Variants in PHEX observed in about 807,000 individuals in gnomAD.
PHEX encodes phosphate-regulating neutral endopeptidase PHEX.
In PHEX, 16 loss-of-function variants were observed where a neutral mutation model predicts 68.0. That is an observed-to-expected ratio of 0.24 (90% CI 0.16 to 0.36). The LOEUF is 0.36. Among genes scored for constraint, PHEX ranks in the 10% least tolerant of loss-of-function variants. PHEX has a pLI of 1.00. For missense variants in PHEX, 480 were observed against 575.5 expected (o/e 0.83, Z 1.70); for synonymous variants, 208 against 205.1 (o/e 1.01, Z -0.12).
intron 15 of PHEX, among the ~76,000 whole-genome samples, chrX:22,191,307 C>A (rs937322469): frequency 8.9e-6 from 1 of 112,303 alleles, no homozygotes; most frequent in Non-Finnish European, 1.9e-5. Flanking sequence ...GGATTACAGG[C>A]GTGAGCCACT....
At chrX:22,147,199 A>G (rs966200199) in intron 12 of PHEX, among the ~76,000 whole-genome samples, 39 of 112,118 alleles carry the variant, frequency 3.5e-4, no homozygotes, top group Admixed American at 2.2e-3. Context: ...TGAGGAATTC[A>G]CTTAAAAATA....
At position 22,066,139 on chromosome X, in the gene PHEX, T is replaced by C. The variant is rs775261722; in HGVS notation, c.350-10249T>C. On this transcript the variant is annotated intron_variant, in intron 3 of 21. Transcript: ENST00000379374. ...TAGGCCGTGTAAAGATTTTAGACTC[T>C]ATCCTAGGGCAATGGGAAGGCGTTT... is the stretch of plus-strand genomic sequence containing the variant. Among the ~76,000 whole-genome samples, 6 of 111,804 alleles carry C rather than the reference T, an allele frequency of 5.4e-5. No homozygotes were observed. In the South Asian group the frequency reaches 2.2e-3, roughly 41 times the overall value.
At chrX:22,119,519 G>A (rs188799268) in intron 11 of PHEX, among the ~76,000 whole-genome samples, 44 of 110,363 alleles carry the variant, frequency 4.0e-4, no homozygotes, top group Non-Finnish European at 6.6e-4. Flanking sequence ...TGTTCAGGAA[G>A]GATGTCTAGA....
chrX:22,178,156 A>T (rs1933766555), intron 13 of PHEX, 117 bp from the exon 14 acceptor site: 1 of 443,215 alleles, frequency 2.3e-6, no homozygotes, highest in African/African-American at 2.4e-5. Context: ...AACAGCTGAG[A>T]GAGGCTGTGA....
chrX:22,245,647 C>T (rs903858553), intron 21 of PHEX, among the ~76,000 whole-genome samples: 2 of 111,907 alleles, frequency 1.8e-5, no homozygotes, highest in African/African-American at 6.5e-5. Flanking sequence ...GCTGATGGTA[C>T]CTGTACATAT....
intron 12 of PHEX, among the ~76,000 whole-genome samples, chrX:22,157,039 C>T (rs1428411854): frequency 7.2e-5 from 8 of 111,313 alleles, no homozygotes; most frequent in African/African-American, 2.0e-4. Context: ...CAAGCCACCA[C>T]GCCCAGCTAA....
At chrX:22,049,063 CTA>C (rs1402235855) in intron 3 of PHEX, among the ~76,000 whole-genome samples, 1 of 112,213 alleles carries the variant, frequency 8.9e-6, no homozygotes, top group African/African-American at 3.2e-5. Flanking sequence ...TAACTTAAAA[CTA>C]TGCATTCCTC....
intron 3 of PHEX, among the ~76,000 whole-genome samples, chrX:22,063,555 T>C (rs1368113921): frequency 9.0e-6 from 1 of 111,719 alleles, no homozygotes; most frequent in African/African-American, 3.3e-5. Context: ...GCAATTGTGT[T>C]TCGCCTGAGG....
rs748866666 is a variant in PHEX at position 22,074,191 on chromosome X, T to C, written c.350-2197T>C. Among the ~76,000 whole-genome samples, 4 of 110,634 alleles carry C rather than the reference T, an allele frequency of 3.6e-5. No individual in the cohort carries two copies. In the South Asian group the frequency reaches 1.6e-3, roughly 43 times the overall value. Reference sequence around the variant, plus strand: ...CCAGGCTACATTTTATTCTTCTTACTGCTAATTCACATGCAGAGATACATA... The same window carrying C: ...CCAGGCTACATTTTATTCTTCTTACCGCTAATTCACATGCAGAGATACATA... On this transcript the variant is annotated intron_variant, in intron 3 of 21. Transcript: ENST00000379374.
intron 21 of PHEX, among the ~76,000 whole-genome samples, chrX:22,246,476 C>G (rs1051548932): frequency 2.7e-5 from 3 of 111,730 alleles, no homozygotes; most frequent in Admixed American, 9.5e-5. Flanking sequence ...AAAATCTAAT[C>G]ACTATGTTGG....
intron 14 of PHEX, among the ~76,000 whole-genome samples, chrX:22,186,504 A>T (rs184711664): frequency 1.9e-4 from 22 of 112,821 alleles, no homozygotes; most frequent in Middle Eastern, 4.6e-3. Context: ...AAAACTAAAT[A>T]TATAATAAAC....
intron 12 of PHEX, among the ~76,000 whole-genome samples, chrX:22,145,277 A>G (rs1932641615): frequency 1.8e-5 from 2 of 112,022 alleles, no homozygotes; most frequent in African/African-American, 3.3e-5. Context: ...CCATATGAAG[A>G]TCAGACTCTC....
chrX:22,161,517 G>A (rs1436405814), intron 12 of PHEX, among the ~76,000 whole-genome samples: 1 of 112,506 alleles, frequency 8.9e-6, no homozygotes, highest in Non-Finnish European at 1.9e-5. Context: ...TATATTTAAA[G>A]GTTAAATGTA....
rs868762842 is a variant in PHEX at position 22,221,736 on chromosome X, G to A, written c.1892G>A (p.Gly631Asp). ...QYSNYYWKKA[G>D]LNVKGKRTLG... is the part of the protein sequence containing the mutation. The stretch of plus-strand genomic sequence containing the variant: ...AGCAACTATTATTGGAAGAAAGCTG[G>A]CTTAAATGTGAGTACAACTGTGGCT... The change falls in exon 18 of 22, where the codon GGC becomes GAC. Residue 631 changes from glycine (G) to aspartate (D), a missense_variant. Gly to Asp is a moderately conservative substitution (Grantham distance 94). Coordinates refer to ENST00000379374, the MANE Select transcript of PHEX (RefSeq NM_000444.6). The A allele has an allele frequency of 8.3e-7, 1 of 1,207,357 alleles. No homozygotes were observed. Among genetic ancestry groups the A allele is most frequent in the Non-Finnish European group, 1.1e-6 (1 of 891,517 alleles).
chrX:22,069,850 G>A (rs184047559), intron 3 of PHEX, among the ~76,000 whole-genome samples: 22 of 111,582 alleles, frequency 2.0e-4, no homozygotes, highest in Admixed American at 6.7e-4. Context: ...TGAGAGTTAC[G>A]GGATCCACGG....
chrX:22,090,224 G>A (rs190903435), intron 5 of PHEX, among the ~76,000 whole-genome samples: 5 of 112,378 alleles, frequency 4.4e-5, no homozygotes, highest in Admixed American at 9.4e-5. Context: ...AATTAGAAAA[G>A]CAGGGGCAGG....
intron 21 of PHEX, among the ~76,000 whole-genome samples, chrX:22,245,619 T>C (rs919648518): frequency 8.9e-6 from 1 of 111,990 alleles, no homozygotes; most frequent in Admixed American, 9.5e-5. Context: ...TAGTCAGCAC[T>C]CTCTCACCTG....
At chrX:22,219,759 C>T (rs902951232) in intron 17 of PHEX, among the ~76,000 whole-genome samples, 2 of 111,071 alleles carry the variant, frequency 1.8e-5, no homozygotes, top group African/African-American at 3.3e-5. Flanking sequence ...GCTGGGATTA[C>T]GGGCACGTGC....
At chrX:22,185,411 G>C (rs187786856) in intron 14 of PHEX, among the ~76,000 whole-genome samples, 13 of 112,219 alleles carry the variant, frequency 1.2e-4, no homozygotes, top group African/African-American at 4.2e-4. Context: ...TGCAAACTCA[G>C]ATGCCTTCAG....
Sources: gnomAD v4.1 joint callset for allele counts (sites outside exome capture counted in the v4.1 genomes callset) on GRCh38, gnomAD v4.1.1 for gene constraint, MANE v1.5 for transcripts, NCBI Gene and HGNC (gene_info 2026-07-23, HGNC 2026-07-21) for gene names.